NBEAL1: variants seen among roughly 807,000 people sequenced by gnomAD.
The protein encoded by NBEAL1 is neurobeachin-like protein 1.
NBEAL1 carries 273 observed loss-of-function variants against 351.3 expected under a neutral mutation model. That is an observed-to-expected ratio of 0.78 (90% CI 0.70 to 0.86). The LOEUF is 0.86. Ranked by LOEUF, NBEAL1 falls within the 40% of genes least tolerant of loss-of-function variation. The probability of loss-of-function intolerance (pLI) is 0.00; values close to 1 mark genes in which losing one functional copy is unlikely to be tolerated. For missense variants in NBEAL1, 2,961 were observed against 3,201.3 expected (o/e 0.92, Z 1.81); for synonymous variants, 1,050 against 1,086.4 (o/e 0.97, Z 0.66).
chr2:203,039,852 T>C (rs1323723249), intron 2 of NBEAL1, among the ~76,000 whole-genome samples: 2 of 152,218 alleles, frequency 1.3e-5, no homozygotes, highest in African/African-American at 2.4e-5. Flanking sequence ...TGGTGTTCAT[T>C]AGTAAACAAA....
At position 203,059,940 on chromosome 2, in the gene NBEAL1, C is replaced by T. The variant is rs114707206; in HGVS notation, c.515+2487C>T. The stretch of plus-strand genomic sequence containing the variant: ...TTGGTTCTAACTAATCAGTGTTCCC[C>T]CTGTTTTGACATGTATGCCAGAGAT... On this transcript the variant is annotated intron_variant, in intron 6 of 55. Transcript: ENST00000683969. 9.7e-3 allele frequency among the ~76,000 whole-genome samples: 1,474 copies of T among 152,238 alleles called. 28 individuals carry two copies. Among genetic ancestry groups the T allele is most frequent in the South Asian group, 0.056 (270 of 4,820 alleles).
At chr2:203,200,951 G>A (rs1365303425) in intron 49 of NBEAL1, among the ~76,000 whole-genome samples, 1 of 152,156 alleles carries the variant, frequency 6.6e-6, no homozygotes, top group East Asian at 1.9e-4. Context: ...GCTAGAGTAT[G>A]AGAATTAGCC....
At chr2:203,150,357 T>C (rs2063617100) in intron 34 of NBEAL1, among the ~76,000 whole-genome samples, 1 of 152,146 alleles carries the variant, frequency 6.6e-6, no homozygotes, top group Non-Finnish European at 1.5e-5. Flanking sequence ...ACATCTTCTT[T>C]GAAGAAATGT....
rs1304250476 is a variant in NBEAL1, at chr2:203,221,915, A to G, written c.*4561A>G. Reference sequence around the variant, plus strand: ...TCTTTAGTTTAAATCTAGGCCAAGCATGGTGGCTCATGCCTATAATCTCAG... The same window carrying G: ...TCTTTAGTTTAAATCTAGGCCAAGCGTGGTGGCTCATGCCTATAATCTCAG... On this transcript the variant is annotated 3_prime_UTR_variant, in exon 56 of 56. Transcript: ENST00000683969. 6.6e-6 allele frequency among the ~76,000 whole-genome samples: 1 copy of G among 152,180 alleles called. No individual in the cohort carries two copies. The highest frequency in any genetic ancestry group is 2.4e-5 in the African/African-American group (1 of 41,446).
At position 203,110,282 on chromosome 2, in the gene NBEAL1, G is replaced by A. The variant is rs568361667; in HGVS notation, c.2082G>A (p.Trp694Ter). 6.4e-7 allele frequency: 1 copy of A among 1,551,170 alleles called. No homozygotes were observed. Among genetic ancestry groups the A allele is most frequent in the Non-Finnish European group, 8.7e-7 (1 of 1,146,702 alleles). The change falls in exon 15 of 56, where the codon TGG becomes TGA. Residue 694 changes from tryptophan (W) to a stop codon, truncating the protein, a stop_gained and splice_region_variant. Coordinates refer to ENST00000683969, the MANE Select transcript of NBEAL1 (RefSeq NM_001378026.1). LOFTEE classifies it high-confidence loss of function. ...ACCACAGTTTCTGTGATTCCCTCTG[G>A]GTAAGGCTTTAGGGCATCACATTTA... ...LPDHSFCDSL[W>*]HNITVVHMPG... is the part of the protein sequence containing the mutation.
At chr2:203,104,309 T>A (rs1468975907) in intron 12 of NBEAL1, among the ~76,000 whole-genome samples, 1 of 152,218 alleles carries the variant, frequency 6.6e-6, no homozygotes, top group African/African-American at 2.4e-5. Flanking sequence ...TTCTTTGTCT[T>A]TATGATCTTT....
intron 36 of NBEAL1, 92 bp from the exon 37 acceptor site, chr2:203,166,053 GAAAA>G: frequency 8.4e-7 from 1 of 1,196,270 alleles, no homozygotes; most frequent in Non-Finnish European, 1.1e-6. Flanking sequence ...TCAAAAAAAA[GAAAA>G]AAAAGAGATT....
At chr2:203,109,692 G>C (rs2062518263) in intron 14 of NBEAL1, among the ~76,000 whole-genome samples, 1 of 151,966 alleles carries the variant, frequency 6.6e-6, no homozygotes, top group Non-Finnish European at 1.5e-5. Context: ...GCTAATTTTT[G>C]TATTTTTAGT....
In NBEAL1 at chr2:203,136,130, C is replaced by G; in HGVS notation, c.4267C>G (p.Leu1423Val). Residue 1423 changes from leucine (L) to valine (V), a missense_variant, in exon 28 of 56, where the codon CTG becomes GTG. By Grantham distance (32) the Leu-to-Val change is conservative (BLOSUM62 1). Coordinates refer to ENST00000683969, the MANE Select transcript of NBEAL1 (RefSeq NM_001378026.1). ...TAGTGGAAGTCAAGTGCCAGACAGT[C>G]TGCCTAGCACACCATCCCCAGTAGA... Reference protein sequence around the residue: ...SDSGSQVPDSLPSTPSPVEST... With the variant: ...SDSGSQVPDSVPSTPSPVEST... The G allele has an allele frequency of 6.2e-7, 1 of 1,614,160 alleles. No individual in the cohort carries two copies. Among genetic ancestry groups the G allele is most frequent in the Non-Finnish European group, 8.5e-7 (1 of 1,180,002 alleles).
At chr2:203,068,752 G>A (rs749074778) in intron 7 of NBEAL1, among the ~76,000 whole-genome samples, 2 of 151,624 alleles carry the variant, frequency 1.3e-5, no homozygotes, top group Admixed American at 6.6e-5. Flanking sequence ...TTTTTGAGAC[G>A]AAGTCACACG....
At chr2:203,057,839 G>GT (rs1310257329) in intron 6 of NBEAL1, among the ~76,000 whole-genome samples, 6 of 95,976 alleles carry the variant, frequency 6.3e-5, no homozygotes, top group South Asian at 2.9e-4. Context: ...TTTTTTTTTT[G>GT]TTTTTTTGTC....
intron 51 of NBEAL1, among the ~76,000 whole-genome samples, chr2:203,205,565 G>A (rs1054995014): frequency 1.3e-5 from 2 of 152,024 alleles, no homozygotes; most frequent in African/African-American, 2.4e-5. Flanking sequence ...AATGTATTAT[G>A]TTGAGAACTT....
intron 24 of NBEAL1, among the ~76,000 whole-genome samples, chr2:203,128,896 A>G (rs1276896839): frequency 6.6e-6 from 1 of 152,122 alleles, no homozygotes; most frequent in African/African-American, 2.4e-5. Context: ...ATGCCCAGCC[A>G]TTAGTAGGTA....
rs373256215 is a variant in NBEAL1 at position 203,113,132 on chromosome 2, G to A, written c.2320G>A (p.Gly774Arg). 45 of 1,552,880 alleles carry A rather than the reference G, an allele frequency of 2.9e-5. No individual in the cohort carries two copies. Among genetic ancestry groups the A allele is most frequent in the Non-Finnish European group, 3.5e-6 (4 of 1,147,258 alleles). ...TACCCCTCATCGGACATCATTTGGT[G>A]GAATTCTGTCATCAGCCTCCTGGGG... ...PITPHRTSFG[G>R]ILSSASWGGT... is the part of the protein sequence containing the mutation. Residue 774 changes from glycine to arginine, a missense_variant, in exon 17 of 56, where the codon GGA becomes AGA. By Grantham distance (125) the Gly-to-Arg change is moderately radical. Transcript: ENST00000683969.
intron 2 of NBEAL1, chr2:203,040,371 C>G: frequency 1.4e-6 from 1 of 708,416 alleles, no homozygotes; most frequent in South Asian, 1.5e-5. Flanking sequence ...ATGCCATGGC[C>G]TTTGTTGTAC....
At position 203,180,397 on chromosome 2, in the gene NBEAL1, T is replaced by A; in HGVS notation, c.6480T>A (p.Asp2160Glu). ...QLQSGRFDCA[D>E]RQFHSIPATW... is the part of the protein sequence containing the mutation. ...CTACATGCAGGTTTGACTGTGCAGA[T>A]CGACAGTTCCATTCTATTCCTGCTA... Residue 2160 changes from aspartate to glutamate, a missense_variant, in exon 43 of 56, where the codon GAT (aspartate) becomes GAA (glutamate). Asp to Glu is a conservative substitution (Grantham distance 45). Transcript: ENST00000683969. The A allele has an allele frequency of 6.2e-7, 1 of 1,610,906 alleles. No individual in the cohort carries two copies. Among genetic ancestry groups the A allele is most frequent in the Non-Finnish European group, 8.5e-7 (1 of 1,178,934 alleles).
At chr2:203,097,908 G>A (rs529575888) in intron 11 of NBEAL1, among the ~76,000 whole-genome samples, 51 of 152,222 alleles carry the variant, frequency 3.4e-4, no homozygotes, top group African/African-American at 1.2e-3. Context: ...ACAGGAATGG[G>A]ATCTCAGTAC....
chr2:203,213,364 T>C (rs2065840182), intron 54 of NBEAL1, among the ~76,000 whole-genome samples, 154 bp from the exon 55 acceptor site: 1 of 152,226 alleles, frequency 6.6e-6, no homozygotes, highest in Non-Finnish European at 1.5e-5. Flanking sequence ...CAGGCCCTTG[T>C]GTGAGTCACT....
At chr2:203,111,402 C>T (rs2062568859) in intron 15 of NBEAL1, among the ~76,000 whole-genome samples, 1 of 151,630 alleles carries the variant, frequency 6.6e-6, no homozygotes, top group African/African-American at 2.4e-5. Flanking sequence ...GACAGAGTCT[C>T]GCTCTGTCAC....
Sources: allele counts gnomAD v4.1 joint callset (sites outside exome capture counted in the v4.1 genomes callset), GRCh38; gene constraint gnomAD v4.1.1; transcripts MANE v1.5; gene names NCBI Gene and HGNC (gene_info 2026-07-23, HGNC 2026-07-21).